The following RALYL variants were observed in gnomAD, a reference collection of about 807,000 sequenced individuals.
The protein encoded by RALYL is RALY RNA binding protein like.
A neutral mutation model predicts 35.1 loss-of-function variants in RALYL; 29 were observed. That is an observed-to-expected ratio of 0.83 (90% CI 0.61 to 1.13). The LOEUF is 1.13. Ranked by LOEUF, RALYL falls within the 50% of genes most tolerant of loss-of-function variation. RALYL has a pLI of 0.00. For synonymous variants in RALYL, 120 were observed against 127.6 expected (o/e 0.94, Z 0.40); for missense variants, 359 against 360.4 (o/e 1.00, Z 0.03).
chr8:84,747,529 A>G (rs1380301899), intron 2 of RALYL, among the ~76,000 whole-genome samples: 1 of 151,896 alleles, frequency 6.6e-6, no homozygotes, highest in Non-Finnish European at 1.5e-5. Flanking sequence ...TAACTTTAGT[A>G]CATCTGATTA....
chr8:84,751,919 T>G (rs1190496540), intron 2 of RALYL, among the ~76,000 whole-genome samples: 1 of 152,116 alleles, frequency 6.6e-6, no homozygotes, highest in African/African-American at 2.4e-5. Context: ...CAGACTAATA[T>G]AGAAAATTGG....
intron 2 of RALYL, among the ~76,000 whole-genome samples, chr8:84,701,759 C>T (rs763897228): frequency 1.3e-5 from 2 of 152,094 alleles, no homozygotes; most frequent in Non-Finnish European, 2.9e-5. Flanking sequence ...CTTGAATGTC[C>T]CTGCCGGGAA....
intron 8 of RALYL, 129 bp downstream of exon 8, chr8:84,887,905 A>G (rs1843181182): frequency 2.5e-6 from 2 of 801,348 alleles, no homozygotes; most frequent in Non-Finnish European, 4.0e-6. Flanking sequence ...ATTTAAGGGA[A>G]CATGAGTATA....
intron 2 of RALYL, among the ~76,000 whole-genome samples, chr8:84,603,788 T>C (rs1056109823): frequency 6.6e-6 from 1 of 152,128 alleles, no homozygotes; most frequent in Non-Finnish European, 1.5e-5. Context: ...GGTGTTGTTA[T>C]GGTTTGATTA....
At chr8:84,905,565 C>G (rs1846349580) in intron 8 of RALYL, among the ~76,000 whole-genome samples, 2 of 152,110 alleles carry the variant, frequency 1.3e-5, no homozygotes, top group Admixed American at 6.6e-5. Flanking sequence ...ATTCCAATTT[C>G]TCCACTTATC....
At chr8:84,651,815 G>C (rs971853433) in intron 2 of RALYL, among the ~76,000 whole-genome samples, 8 of 151,936 alleles carry the variant, frequency 5.3e-5, no homozygotes, top group Non-Finnish European at 1.0e-4. Context: ...GCCAATTGTT[G>C]GAAAGGAACA....
At chr8:84,233,155 A>T (rs1056538726) in intron 1 of RALYL, among the ~76,000 whole-genome samples, 7 of 151,604 alleles carry the variant, frequency 4.6e-5, no homozygotes, top group Non-Finnish European at 1.0e-4. Flanking sequence ...AATAATTTTT[A>T]TTGTTTTTTT....
intron 1 of RALYL, among the ~76,000 whole-genome samples, chr8:84,379,347 G>A (rs932933168): frequency 6.6e-6 from 1 of 151,814 alleles, no homozygotes; most frequent in African/African-American, 2.4e-5. Context: ...AGTGGTTTAT[G>A]TTCCCTTGAC....
At chr8:84,624,028 A>G (rs1366221530) in intron 2 of RALYL, among the ~76,000 whole-genome samples, 1 of 152,196 alleles carries the variant, frequency 6.6e-6, no homozygotes, top group Non-Finnish European at 1.5e-5. Context: ...GACAGAAAAG[A>G]GTTGAAGTTT....
chr8:84,538,824 G>A (rs1291518513), intron 2 of RALYL, among the ~76,000 whole-genome samples: 1 of 152,124 alleles, frequency 6.6e-6, no homozygotes, highest in Non-Finnish European at 1.5e-5. Context: ...ACACACAATA[G>A]GAAGTGGGAA....
chr8:84,442,759 T>A (rs2048471740), intron 1 of RALYL, among the ~76,000 whole-genome samples: 1 of 152,068 alleles, frequency 6.6e-6, no homozygotes, highest in African/African-American at 2.4e-5. Context: ...AAGCAGGGAA[T>A]AACAGAAAAC....
Position 84,420,377 on chromosome 8 carries a change from A to T in RALYL, c.-23-108922A>T, listed in dbSNP as rs546495695. Among the ~76,000 whole-genome samples, 488 of 151,952 alleles carry T rather than the reference A, an allele frequency of 3.2e-3. 1 individual carries two copies. The highest frequency in any genetic ancestry group is 0.011 in the African/African-American group (473 of 41,364). Reference sequence around the variant, plus strand: ...AAGTGTCTGTTCATGTCCTTCACCCACTTTTTGATGGCGTTGTTTGTTTTT... The same window carrying T: ...AAGTGTCTGTTCATGTCCTTCACCCTCTTTTTGATGGCGTTGTTTGTTTTT... On this transcript the variant is annotated intron_variant, in intron 1 of 8. Transcript: ENST00000521268.
rs965744507 is a variant in RALYL, at chr8:84,486,606, A to G, written c.-23-42693A>G. 2.0e-5 allele frequency among the ~76,000 whole-genome samples: 3 copies of G among 151,980 alleles called. No individual in the cohort carries two copies. The East Asian group carries it at 5.8e-4, about 29-fold the overall frequency. On this transcript the variant is annotated intron_variant, in intron 1 of 8. Transcript: ENST00000521268. ...TTTTTTATAGTTTCTTTCATATCAA[A>G]TAAGAGATACACAAAATTAGAAAAA... is the stretch of plus-strand genomic sequence containing the variant.
At chr8:84,383,440 G>T (rs1377190286) in intron 1 of RALYL, among the ~76,000 whole-genome samples, 1 of 151,650 alleles carries the variant, frequency 6.6e-6, no homozygotes, top group East Asian at 1.9e-4. Context: ...AGAAAGGAAA[G>T]ATCATAAACT....
chr8:84,883,965 T>C (rs1237450040), intron 7 of RALYL, among the ~76,000 whole-genome samples: 3 of 152,088 alleles, frequency 2.0e-5, no homozygotes, highest in South Asian at 2.1e-4. Context: ...ATAGATGTTA[T>C]TTTCATGCTT....
At chr8:84,679,330 G>C (rs942538550) in intron 2 of RALYL, 2 of 261,058 alleles carry the variant, frequency 7.7e-6, no homozygotes. Context: ...GTTGGCTGTA[G>C]GGAACAGATT....
At chr8:84,553,182 C>T (rs947977744) in intron 2 of RALYL, among the ~76,000 whole-genome samples, 10 of 152,006 alleles carry the variant, frequency 6.6e-5, no homozygotes, top group African/African-American at 1.9e-4. Flanking sequence ...GGGAGGGGGA[C>T]AGCATCTTGC....
intron 1 of RALYL, among the ~76,000 whole-genome samples, chr8:84,363,627 T>C (rs1310403089): frequency 6.6e-6 from 1 of 152,140 alleles, no homozygotes. Context: ...TAAGGGAGCA[T>C]TGGCCTTTGA....
At chr8:84,450,852 C>T (rs557348486) in intron 1 of RALYL, among the ~76,000 whole-genome samples, 2 of 151,970 alleles carry the variant, frequency 1.3e-5, no homozygotes, top group Admixed American at 1.3e-4. Flanking sequence ...ATAACAGTTG[C>T]CAAATTTCAT....
Sources: allele counts gnomAD v4.1 joint callset (sites outside exome capture counted in the v4.1 genomes callset), GRCh38; gene constraint gnomAD v4.1.1; transcripts MANE v1.5; gene names NCBI Gene and HGNC (gene_info 2026-07-23, HGNC 2026-07-21).